The following STX18 variants were observed in gnomAD, a reference collection of about 807,000 sequenced individuals.
STX18 encodes syntaxin-18.
A neutral mutation model predicts 50.1 loss-of-function variants in STX18; 40 were observed. That is an observed-to-expected ratio of 0.80 (90% CI 0.62 to 1.04). The LOEUF (loss-of-function observed/expected upper bound fraction) is 1.04, where lower values mean the gene tolerates loss of function less well. STX18 is among the 50% of genes least tolerant of loss of function. The pLI is 0.00. For missense variants in STX18, 410 were observed against 415.8 expected (o/e 0.99, Z 0.12); for synonymous variants, 158 against 151.8 (o/e 1.04, Z -0.30).
chr4:4,437,705 G>A (rs1161512435), intron 6 of STX18: 8 of 787,408 alleles, frequency 1.0e-5, no homozygotes, highest in African/African-American at 7.5e-5. Flanking sequence ...GCTCCAGCAC[G>A]CCATCACCCT....
intron 1 of STX18, among the ~76,000 whole-genome samples, chr4:4,504,079 G>A (rs948987410): frequency 6.6e-5 from 10 of 152,016 alleles, no homozygotes; most frequent in South Asian, 2.1e-4. Context: ...CACTAAACAC[G>A]TATTTACAAA....
At chr4:4,539,632 G>A (rs562064317) in intron 1 of STX18, among the ~76,000 whole-genome samples, 1 of 152,302 alleles carries the variant, frequency 6.6e-6, no homozygotes, top group African/African-American at 2.4e-5. Flanking sequence ...TCAATACATA[G>A]CAGAACTGCA....
At chr4:4,527,851 T>TACAC (rs1373211949) in intron 1 of STX18, among the ~76,000 whole-genome samples, 3 of 136,904 alleles carry the variant, frequency 2.2e-5, no homozygotes, top group African/African-American at 8.6e-5. Context: ...TATATATATA[T>TACAC]ACACACACAC....
intron 5 of STX18, among the ~76,000 whole-genome samples, chr4:4,455,658 C>T (rs768110662): frequency 6.6e-6 from 1 of 152,148 alleles, no homozygotes; most frequent in Non-Finnish European, 1.5e-5. Flanking sequence ...TCTAGAGTTT[C>T]GGTAGATGCC....
At chr4:4,483,900 T>C (rs1015064386) in intron 1 of STX18, among the ~76,000 whole-genome samples, 4 of 152,118 alleles carry the variant, frequency 2.6e-5, no homozygotes, top group Admixed American at 6.5e-5. Context: ...TCGCTCCTGT[T>C]GCCCAGGCTG....
intron 5 of STX18, among the ~76,000 whole-genome samples, chr4:4,441,290 T>A (rs534389631): frequency 1.9e-4 from 29 of 152,320 alleles, no homozygotes; most frequent in Admixed American, 8.5e-4. Flanking sequence ...AACATCACTT[T>A]TTAAGAAGAG....
At chr4:4,450,684 C>T (rs747555806) in intron 5 of STX18, among the ~76,000 whole-genome samples, 20 of 152,284 alleles carry the variant, frequency 1.3e-4, no homozygotes, top group Non-Finnish European at 2.1e-4. Flanking sequence ...CTCTCCAGCA[C>T]GGATCAGTCC....
At chr4:4,504,898 TA>T (rs200027209) in intron 1 of STX18, among the ~76,000 whole-genome samples, 26,882 of 150,944 alleles carry the variant, frequency 0.18, 2,598 homozygotes, top group Non-Finnish European at 0.21. Flanking sequence ...AGTAGCTGTT[TA>T]AAAAAAAAAT....
chr4:4,498,376 GA>G (rs1577376746), intron 1 of STX18, among the ~76,000 whole-genome samples: 1 of 152,124 alleles, frequency 6.6e-6, no homozygotes, highest in Non-Finnish European at 1.5e-5. Flanking sequence ...CAATATATCA[GA>G]AAGGTGTCCC....
At chr4:4,496,697 A>T (rs923315814) in intron 1 of STX18, among the ~76,000 whole-genome samples, 3 of 152,168 alleles carry the variant, frequency 2.0e-5, no homozygotes, top group African/African-American at 7.2e-5. Context: ...GTGGGTAGAA[A>T]GGTTGACATC....
At position 4,515,366 on chromosome 4, in the gene STX18, T is replaced by C. The variant is rs187064546; in HGVS notation, c.168+26431A>G. 4.6e-5 allele frequency among the ~76,000 whole-genome samples: 7 copies of C among 152,244 alleles called. No individual in the cohort carries two copies. The East Asian group carries it at 1.3e-3, about 29-fold the overall frequency. On this transcript the variant is annotated intron_variant, in intron 1 of 10. Transcript: ENST00000306200. Reference sequence around the variant, plus strand: ...CTACCACATAAGCAGTTCTAAAAATTGTGGTCATCTTTTGTTTGCTTTGTG... The same window carrying C: ...CTACCACATAAGCAGTTCTAAAAATCGTGGTCATCTTTTGTTTGCTTTGTG...
intron 1 of STX18, among the ~76,000 whole-genome samples, chr4:4,525,051 C>G (rs568216948): frequency 1.3e-5 from 2 of 152,204 alleles, no homozygotes; most frequent in East Asian, 3.9e-4. Context: ...TTCCAGACAG[C>G]ATCAGTCAGG....
At chr4:4,433,789 C>T (rs543173082) in intron 7 of STX18, among the ~76,000 whole-genome samples, 123 of 152,290 alleles carry the variant, frequency 8.1e-4, no homozygotes, top group African/African-American at 1.9e-3. Context: ...GCAACACAAA[C>T]GCCTCAGTCT....
intron 1 of STX18, among the ~76,000 whole-genome samples, chr4:4,517,224 G>A (rs748752502): frequency 1.3e-5 from 2 of 152,056 alleles, no homozygotes; most frequent in African/African-American, 2.4e-5. Flanking sequence ...CATGACATTA[G>A]GTGCTTCTGT....
chr4:4,457,538 C>G lies in STX18; in HGVS notation c.353-38G>C, dbSNP rs919230478. The G allele has an allele frequency of 6.7e-6, 10 of 1,502,160 alleles. No individual in the cohort carries two copies. In the Admixed American group the frequency reaches 1.6e-4, roughly 25 times the overall value. 93.1% of individuals were successfully genotyped at this position (1,502,160 alleles called of 1,614,324 possible). A position where few individuals can be genotyped will look rare whatever the true frequency, so the allele number is the denominator to read the frequency against. Reference sequence around the variant, plus strand: ...AAGACAATGTTCAGGCCTTCGCACTCAATTATCCTAAAGAGCAATTCATCA... The same window carrying G: ...AAGACAATGTTCAGGCCTTCGCACTGAATTATCCTAAAGAGCAATTCATCA... On this transcript the variant is annotated intron_variant, in intron 3 of 10. Transcript: ENST00000306200.
At chr4:4,430,388 AG>A (rs1337276089) in intron 7 of STX18, among the ~76,000 whole-genome samples, 2 of 152,248 alleles carry the variant, frequency 1.3e-5, no homozygotes, top group African/African-American at 4.8e-5. Flanking sequence ...TCAGACTATA[AG>A]ATATGGTACT....
rs537154126 is a variant in STX18, at chr4:4,505,629, A to T, written c.169-33923T>A. ...ACTCCATCTCTGCTAAAAATAAAAAAAAAAAAAAAATCAGCCAGGCATGGT... is the reference window on the plus strand; with the variant it reads ...ACTCCATCTCTGCTAAAAATAAAAATAAAAAAAAAATCAGCCAGGCATGGT... On this transcript the variant is annotated intron_variant, in intron 1 of 10. Transcript: ENST00000306200. Among the ~76,000 whole-genome samples, 52 of 152,080 alleles carry T rather than the reference A, an allele frequency of 3.4e-4. 1 individual carries two copies. In the South Asian group the frequency reaches 4.0e-3, roughly 12 times the overall value.
chr4:4,498,900 C>A (rs1443372717), intron 1 of STX18, among the ~76,000 whole-genome samples: 1 of 152,092 alleles, frequency 6.6e-6, no homozygotes, highest in Admixed American at 6.5e-5. Flanking sequence ...TCACCTGTTT[C>A]ACAGAATTTA....
At chr4:4,435,529 T>C (rs997044505) in intron 6 of STX18, among the ~76,000 whole-genome samples, 1 of 152,214 alleles carries the variant, frequency 6.6e-6, no homozygotes, top group African/African-American at 2.4e-5. Flanking sequence ...GATTTATTGA[T>C]ACATCTTGGA....
Sources: allele counts gnomAD v4.1 joint callset (sites outside exome capture counted in the v4.1 genomes callset), GRCh38; gene constraint gnomAD v4.1.1; transcripts MANE v1.5; gene names NCBI Gene and HGNC (gene_info 2026-07-23, HGNC 2026-07-21).